Variants in PLEKHG1 observed in about 807,000 individuals in gnomAD.
The protein encoded by PLEKHG1 is pleckstrin homology and RhoGEF domain containing G1.
In PLEKHG1, 44 loss-of-function variants were observed where a neutral mutation model predicts 100.8. That is an observed-to-expected ratio of 0.44 (90% CI 0.34 to 0.56). The LOEUF (loss-of-function observed/expected upper bound fraction) is 0.56, where lower values mean the gene tolerates loss of function less well. PLEKHG1 is among the 20% of genes least tolerant of loss of function. PLEKHG1 has a pLI of 0.01. For missense variants in PLEKHG1, 1,545 were observed against 1,720.9 expected, an observed-to-expected ratio of 0.90 and a Z score of 1.81; for synonymous variants, 640 against 662.5, an observed-to-expected ratio of 0.97 and a Z score of 0.52.
In PLEKHG1 at chr6:150,706,998, CTTTTTT is replaced by C. The variant is rs71014517; in HGVS notation, c.-98-26568_-98-26563del. The stretch of plus-strand genomic sequence containing the variant: ...TTTCTTTTCTTTTCTTTTTCTTTTT[CTTTTTT>C]TTTTTTTTTTTTTTTTTAAGATGGA... On this transcript the variant is annotated intron_variant, in intron 3 of 3. Transcript: ENST00000367326. Among the ~76,000 whole-genome samples, 184 of 51,924 alleles carry C rather than the reference CTTTTTT, an allele frequency of 3.5e-3. 5 individuals carry two copies. The highest frequency in any genetic ancestry group is 0.011 in the African/African-American group (143 of 12,872). The allele number at this position is 51,924 out of a possible 152,430, so 34.1% of individuals were successfully genotyped here. A position where few individuals can be genotyped will look rare whatever the true frequency, so the allele number is the denominator to read the frequency against.
chr6:150,646,122 C>T (rs1045821887), intron 2 of PLEKHG1, among the ~76,000 whole-genome samples: 3 of 152,194 alleles, frequency 2.0e-5, no homozygotes, highest in Admixed American at 6.5e-5. Context: ...AAGCAAGTTA[C>T]AATCGTGTAT....
At chr6:150,842,742 G>GGCA (rs1777582667) in exon 16 of PLEKHG1, 1 of 152,194 alleles carries the variant, frequency 6.6e-6, no homozygotes, top group African/African-American at 2.4e-5. Context: ...TTTTTCTTGA[G>GGCA]ACTGAGTCTC....
At chr6:150,669,496 T>A (rs948493163) in intron 3 of PLEKHG1, among the ~76,000 whole-genome samples, 1 of 152,182 alleles carries the variant, frequency 6.6e-6, no homozygotes, top group Non-Finnish European at 1.5e-5. Flanking sequence ...GTTAAATTTT[T>A]GCCTAAATTA....
At chr6:150,732,118 C>T (rs1010764151) in intron 1 of PLEKHG1, among the ~76,000 whole-genome samples, 9 of 151,984 alleles carry the variant, frequency 5.9e-5, no homozygotes, top group Non-Finnish European at 7.4e-5. Context: ...CCCGCCACCA[C>T]GCCTAGCTAA....
intron 3 of PLEKHG1, among the ~76,000 whole-genome samples, chr6:150,688,635 T>G (rs1780232403): frequency 6.6e-6 from 1 of 152,116 alleles, no homozygotes; most frequent in South Asian, 2.1e-4. Context: ...GCCCAACCAT[T>G]TAATCTAACA....
intron 3 of PLEKHG1, among the ~76,000 whole-genome samples, chr6:150,714,811 A>ATTTTTTTTTTTTTTTTTTT (rs773303756): frequency 6.8e-6 from 1 of 147,896 alleles, no homozygotes. Flanking sequence ...TGCTGACAGA[A>ATTTTTTTTTTTTTTTTTTT]TTTTTTTCTT....
At chr6:150,748,646 T>G (rs1002522927) in intron 2 of PLEKHG1, among the ~76,000 whole-genome samples, 9 of 138,354 alleles carry the variant, frequency 6.5e-5, no homozygotes. Flanking sequence ...TGAGACGGAG[T>G]CTTGCTCTGT....
intron 4 of PLEKHG1, among the ~76,000 whole-genome samples, chr6:150,791,710 G>C (rs896959484): frequency 6.7e-6 from 1 of 149,596 alleles, no homozygotes; most frequent in Non-Finnish European, 1.5e-5. Context: ...CTTTGAATAT[G>C]AATTTCTTTG....
chr6:150,704,886 A>G (rs1037354487), intron 3 of PLEKHG1, among the ~76,000 whole-genome samples: 4 of 152,188 alleles, frequency 2.6e-5, no homozygotes, highest in South Asian at 2.1e-4. Context: ...GTATTCTCAC[A>G]TAGGCTTTTG....
At chr6:150,775,434 G>A (rs1010368870) in intron 3 of PLEKHG1, among the ~76,000 whole-genome samples, 6 of 152,148 alleles carry the variant, frequency 3.9e-5, no homozygotes, top group African/African-American at 1.4e-4. Flanking sequence ...CAGAAGATCA[G>A]AGTAAAACTT....
At chr6:150,684,548 T>C (rs1780049880) in intron 3 of PLEKHG1, among the ~76,000 whole-genome samples, 1 of 152,196 alleles carries the variant, frequency 6.6e-6, no homozygotes, top group African/African-American at 2.4e-5. Context: ...TTGGGCAGTT[T>C]GCTGTGCTTC....
At chr6:150,787,386 A>G (rs1388815861) in intron 4 of PLEKHG1, among the ~76,000 whole-genome samples, 2 of 152,220 alleles carry the variant, frequency 1.3e-5, no homozygotes, top group African/African-American at 4.8e-5. Context: ...CTTTCCTACA[A>G]TGTGGCCTTT....
chr6:150,802,127 T>G (rs1390418979), intron 6 of PLEKHG1, among the ~76,000 whole-genome samples: 1 of 152,234 alleles, frequency 6.6e-6, no homozygotes, highest in Non-Finnish European at 1.5e-5. Flanking sequence ...GTTTGGTTCA[T>G]ATACATTTAA....
intron 3 of PLEKHG1, among the ~76,000 whole-genome samples, chr6:150,781,612 A>G (rs918793926): frequency 1.3e-5 from 2 of 152,024 alleles, no homozygotes; most frequent in Admixed American, 6.5e-5. Context: ...CTTTTTTTTT[A>G]AACGGGAAAA....
At chr6:150,835,917 C>T (rs1185193112) in intron 15 of PLEKHG1, among the ~76,000 whole-genome samples, 1 of 152,190 alleles carries the variant, frequency 6.6e-6, no homozygotes, top group Non-Finnish European at 1.5e-5. Flanking sequence ...AAATGGTCAA[C>T]TCTATCATCC....
At chr6:150,760,373 G>T (rs1475153827) in intron 2 of PLEKHG1, among the ~76,000 whole-genome samples, 1 of 152,262 alleles carries the variant, frequency 6.6e-6, no homozygotes, top group East Asian at 1.9e-4. Flanking sequence ...TAAAAAGCGT[G>T]TAAAGTTAAC....
chr6:150,820,974 G>C (rs1424068043), intron 12 of PLEKHG1, among the ~76,000 whole-genome samples: 1 of 152,128 alleles, frequency 6.6e-6, no homozygotes, highest in Non-Finnish European at 1.5e-5. Flanking sequence ...CTTTTCTGTT[G>C]GGTGACTCCT....
chr6:150,828,611 G>C (rs1244379922), intron 14 of PLEKHG1, among the ~76,000 whole-genome samples: 1 of 148,800 alleles, frequency 6.7e-6, no homozygotes, highest in Admixed American at 6.7e-5. Context: ...CCAGCCATTT[G>C]TATGGCAAAA....
intron 2 of PLEKHG1, among the ~76,000 whole-genome samples, chr6:150,755,219 T>C (rs940305648): frequency 4.7e-5 from 7 of 149,018 alleles, no homozygotes. Context: ...CAAACAATCC[T>C]TCCGCCTAGG....
Sources: gnomAD v4.1 joint callset for allele counts (sites outside exome capture counted in the v4.1 genomes callset) on GRCh38, gnomAD v4.1.1 for gene constraint, MANE v1.5 for transcripts, NCBI Gene and HGNC (gene_info 2026-07-23, HGNC 2026-07-21) for gene names.